TPRG1: variants seen among roughly 807,000 people sequenced by gnomAD.
TPRG1 encodes the protein tumor protein p63-regulated gene 1 protein.
In TPRG1, 29 loss-of-function variants were observed where a neutral mutation model predicts 29.3. The observed-to-expected ratio is 0.99, with a 90% CI of 0.74 to 1.35. The LOEUF (loss-of-function observed/expected upper bound fraction) is 1.35. Ranked by LOEUF, TPRG1 falls within the 40% of genes most tolerant of loss-of-function variation. The probability of loss-of-function intolerance (pLI) is 0.00; values close to 1 mark genes in which losing one functional copy is unlikely to be tolerated. For missense variants in TPRG1, 327 were observed against 335.0 expected (o/e 0.98, Z 0.19); for synonymous variants, 130 against 116.8 (o/e 1.11, Z -0.73).
chr3:189,119,369 C>T (rs1174354593), intron 1 of TPRG1, among the ~76,000 whole-genome samples: 4 of 152,178 alleles, frequency 2.6e-5, no homozygotes, highest in African/African-American at 7.2e-5. Flanking sequence ...CTTACCTTGT[C>T]TCAGAAGAGA....
intron 4 of TPRG1, among the ~76,000 whole-genome samples, chr3:189,277,278 A>G (rs10513834): frequency 0.026 from 3,960 of 152,288 alleles, 177 homozygotes; most frequent in African/African-American, 0.091. Context: ...TTATCAAGCT[A>G]TAAAGGAGAC....
chr3:189,203,975 A>G (rs1406159330), intron 1 of TPRG1, among the ~76,000 whole-genome samples: 3 of 145,580 alleles, frequency 2.1e-5, no homozygotes, highest in Non-Finnish European at 4.5e-5. Context: ...CAGGAGGCGG[A>G]GAATGCAGTG....
At chr3:189,098,506 C>A (rs1452230874), upstream of TPRG1, among the ~76,000 whole-genome samples, 1 of 152,052 alleles carries the variant, frequency 6.6e-6, no homozygotes, top group Non-Finnish European at 1.5e-5. Flanking sequence ...TGGGGGCAGA[C>A]AAGAACGTCC....
intron 4 of TPRG1, among the ~76,000 whole-genome samples, chr3:189,048,775 A>G (rs1409997655): frequency 6.6e-6 from 1 of 152,154 alleles, no homozygotes; most frequent in Non-Finnish European, 1.5e-5. Context: ...AAGGAAGCGA[A>G]TGCTCCTGCA....
intron 4 of TPRG1, among the ~76,000 whole-genome samples, chr3:189,077,665 A>G (rs1717270888): frequency 6.6e-6 from 1 of 152,328 alleles, no homozygotes; most frequent in South Asian, 2.1e-4. Context: ...AAATTGATAT[A>G]TTCCACCCTT....
intron 3 of TPRG1, among the ~76,000 whole-genome samples, chr3:189,227,187 AGACAGTGG>A (rs1737886165): frequency 6.6e-6 from 1 of 152,022 alleles, no homozygotes. Context: ...TTAGCCAAGC[AGACAGTGG>A]TTCATGCCTG....
intron 3 of TPRG1, among the ~76,000 whole-genome samples, chr3:189,013,426 G>A (rs951246138): frequency 2.0e-5 from 3 of 152,024 alleles, no homozygotes; most frequent in African/African-American, 7.3e-5. Context: ...GCTGAGGAGT[G>A]TTTCACTTTC....
intron 3 of TPRG1, among the ~76,000 whole-genome samples, chr3:189,014,540 T>C (rs1227622303): frequency 2.6e-5 from 4 of 152,194 alleles, no homozygotes; most frequent in Non-Finnish European, 5.9e-5. Flanking sequence ...GGCTCTGTGT[T>C]CCCACCTAAA....
chr3:189,073,719 A>C (rs932732328), intron 4 of TPRG1, among the ~76,000 whole-genome samples: 4 of 152,170 alleles, frequency 2.6e-5, no homozygotes, highest in Non-Finnish European at 4.4e-5. Flanking sequence ...ACACCCCTGT[A>C]GGTGAGCAAT....
At chr3:189,036,692 A>G (rs1714290252) in intron 4 of TPRG1, among the ~76,000 whole-genome samples, 1 of 152,074 alleles carries the variant, frequency 6.6e-6, no homozygotes, top group South Asian at 2.1e-4. Context: ...GATGAGTAAC[A>G]TATACAGGTA....
At chr3:189,041,217 C>T (rs906857206) in intron 4 of TPRG1, among the ~76,000 whole-genome samples, 1 of 152,170 alleles carries the variant, frequency 6.6e-6, no homozygotes, top group Non-Finnish European at 1.5e-5. Context: ...GAGCCCACCT[C>T]CCCCTAGAAA....
At chr3:189,098,386 G>C (rs552044793), upstream of TPRG1, among the ~76,000 whole-genome samples, 64 of 152,230 alleles carry the variant, frequency 4.2e-4, no homozygotes, top group African/African-American at 1.5e-3. Flanking sequence ...GGAGATCTGG[G>C]TTCAGCAGGG....
At chr3:189,271,921 ACTTTG>A (rs1715204523) in intron 4 of TPRG1, among the ~76,000 whole-genome samples, 1 of 152,174 alleles carries the variant, frequency 6.6e-6, no homozygotes, top group African/African-American at 2.4e-5. Context: ...AAAAGCAACT[ACTTTG>A]CTTGGTATCT....
chr3:189,200,991 AC>A (rs1235568947), intron 1 of TPRG1, among the ~76,000 whole-genome samples: 2 of 152,100 alleles, frequency 1.3e-5, no homozygotes, highest in African/African-American at 4.8e-5. Context: ...GGCCCTTTTT[AC>A]CCTTTTCATT....
intron 5 of TPRG1, chr3:189,315,750 C>A: frequency 4.2e-6 from 1 of 239,984 alleles, no homozygotes; most frequent in Non-Finnish European, 8.5e-6. Flanking sequence ...ACTTACCTGG[C>A]AGTGACCATT....
chr3:189,222,980 A>G (rs1737164864), intron 3 of TPRG1, among the ~76,000 whole-genome samples: 1 of 152,118 alleles, frequency 6.6e-6, no homozygotes, highest in Non-Finnish European at 1.5e-5. Context: ...TATTGATTCA[A>G]CTGGAATAAT....
At chr3:189,053,645 G>T (rs1378291320) in intron 4 of TPRG1, among the ~76,000 whole-genome samples, 1 of 152,110 alleles carries the variant, frequency 6.6e-6, no homozygotes, top group Non-Finnish European at 1.5e-5. Flanking sequence ...ATTTTAGTCT[G>T]CCAGGAGGAC....
At chr3:189,282,177 T>C (rs16864172) in intron 4 of TPRG1, among the ~76,000 whole-genome samples, 12,554 of 123,354 alleles carry the variant, frequency 0.1, 644 homozygotes, top group African/African-American at 0.19. Context: ...AAAAGTTTCT[T>C]AACCCAGGGC....
intron 1 of TPRG1, among the ~76,000 whole-genome samples, chr3:189,206,849 G>A (rs368424487): frequency 2.0e-5 from 3 of 148,862 alleles, no homozygotes; most frequent in African/African-American, 5.1e-5. Context: ...ATGCATGTGC[G>A]TGTGTGTGAG....
Sources: allele counts gnomAD v4.1 joint callset (sites outside exome capture counted in the v4.1 genomes callset), GRCh38; gene constraint gnomAD v4.1.1; transcripts MANE v1.5; gene names NCBI Gene and HGNC (gene_info 2026-07-23, HGNC 2026-07-21).